Variants in CDH7 observed in about 807,000 individuals in gnomAD.
The protein encoded by CDH7 is cadherin-7.
Under a neutral mutation model 71.8 loss-of-function variants are expected in CDH7, and 25 were observed. The observed-to-expected ratio is 0.35, with a 90% confidence interval of 0.25 to 0.49. The LOEUF (loss-of-function observed/expected upper bound fraction) is 0.49. Ranked by LOEUF, CDH7 falls within the 20% of genes least tolerant of loss-of-function variation. CDH7 has a pLI of 0.99. For synonymous variants in CDH7, 381 were observed against 363.8 expected (o/e 1.05, Z -0.54); for missense variants, 862 against 974.6 (o/e 0.88, Z 1.54).
chr18:65,849,093 T>C (rs1440328673), intron 7 of CDH7, among the ~76,000 whole-genome samples: 1 of 152,122 alleles, frequency 6.6e-6, no homozygotes, highest in Non-Finnish European at 1.5e-5. Flanking sequence ...AAAATAATAC[T>C]AGCAATAAAA....
chr18:65,817,496 T>G (rs957437074), intron 4 of CDH7, among the ~76,000 whole-genome samples: 1 of 152,172 alleles, frequency 6.6e-6, no homozygotes, highest in African/African-American at 2.4e-5. Flanking sequence ...TCTCTGTCTT[T>G]TTATAGCTCT....
chr18:65,797,859 A>G (rs1910972955), intron 2 of CDH7, among the ~76,000 whole-genome samples: 1 of 152,156 alleles, frequency 6.6e-6, no homozygotes, highest in South Asian at 2.1e-4. Context: ...AAGAACATTT[A>G]CCTCAAACTT....
At chr18:65,792,178 A>T (rs965306700) in intron 2 of CDH7, among the ~76,000 whole-genome samples, 1 of 141,264 alleles carries the variant, frequency 7.1e-6, no homozygotes, top group African/African-American at 2.7e-5. Flanking sequence ...TGTCTGCTGC[A>T]GCCAGTCTTT....
chr18:65,806,454 G>T (rs1421675790), intron 2 of CDH7, among the ~76,000 whole-genome samples: 1 of 152,024 alleles, frequency 6.6e-6, no homozygotes, highest in African/African-American at 2.4e-5. Context: ...AAGGGTATCT[G>T]TGAGTACAAT....
intron 6 of CDH7, among the ~76,000 whole-genome samples, chr18:65,835,346 T>A (rs1175750257): frequency 6.6e-6 from 1 of 152,156 alleles, no homozygotes; most frequent in Non-Finnish European, 1.5e-5. Flanking sequence ...GAAAAATATG[T>A]TGAGTTCCAG....
intron 6 of CDH7, among the ~76,000 whole-genome samples, chr18:65,833,685 T>C (rs560609764): frequency 6.6e-6 from 1 of 152,326 alleles, no homozygotes; most frequent in African/African-American, 2.4e-5. Context: ...TATTATCTGC[T>C]TATTAAGGTA....
Position 65,753,324 on chromosome 18 carries a change from A to G in CDH7, c.-197+2174A>G, listed in dbSNP as rs532153065. Among the ~76,000 whole-genome samples the G allele has an allele frequency of 1.4e-4, 22 of 152,364 alleles. 1 individual carries two copies. The South Asian group carries it at 4.6e-3, about 32-fold the overall frequency. ...TTGTCAGATCTTTCAGAAATAATTT[A>G]TAAAATACTAAACTCACAAATTGTT... On this transcript the variant is annotated intron_variant, in intron 1 of 11. Transcript: ENST00000397968.
intron 6 of CDH7, among the ~76,000 whole-genome samples, chr18:65,831,572 A>G (rs1444406182): frequency 6.6e-6 from 1 of 152,146 alleles, no homozygotes; most frequent in Non-Finnish European, 1.5e-5. Flanking sequence ...TGGCCCTAAC[A>G]AAACAGGATT....
intron 6 of CDH7, among the ~76,000 whole-genome samples, chr18:65,829,348 GA>G (rs1912250257): frequency 1.3e-5 from 2 of 151,654 alleles, no homozygotes; most frequent in African/African-American, 4.8e-5. Flanking sequence ...TCGATCTCCT[GA>G]ACTTGTGATC....
At position 65,857,269 on chromosome 18, in the gene CDH7, G is replaced by C. The variant is rs375966800; in HGVS notation, c.1236-547G>C. Among the ~76,000 whole-genome samples the C allele has an allele frequency of 3.3e-5, 5 of 149,724 alleles. 1 individual carries two copies. In the South Asian group the frequency reaches 1.1e-3, roughly 32 times the overall value. ...AGTCTGAGATGGAAGGGTCACTTGA[G>C]CCCAGGAATTCAAGACCAGCCTGAG... On this transcript the variant is annotated intron_variant, in intron 7 of 11. Coordinates refer to ENST00000397968, the MANE Select transcript of CDH7 (RefSeq NM_004361.5).
chr18:65,790,985 A>G (rs1910693430), intron 2 of CDH7, among the ~76,000 whole-genome samples: 1 of 152,250 alleles, frequency 6.6e-6, no homozygotes, highest in African/African-American at 2.4e-5. Flanking sequence ...CATTATTTAG[A>G]CACCTTGAAC....
At chr18:65,830,725 C>CTT (rs1555687110) in intron 6 of CDH7, among the ~76,000 whole-genome samples, 11 of 130,738 alleles carry the variant, frequency 8.4e-5, no homozygotes, top group East Asian at 4.4e-4. Context: ...TTCTCTCTCT[C>CTT]TCTTTCTTTC....
intron 1 of CDH7, among the ~76,000 whole-genome samples, chr18:65,760,691 C>T (rs900788502): frequency 6.6e-6 from 1 of 152,150 alleles, no homozygotes; most frequent in Non-Finnish European, 1.5e-5. Context: ...TAAACCATCC[C>T]TCCCCATCCC....
At chr18:65,789,485 G>GTTTT (rs1310152777) in intron 2 of CDH7, among the ~76,000 whole-genome samples, 38 of 131,990 alleles carry the variant, frequency 2.9e-4, no homozygotes, top group African/African-American at 1.1e-3. Flanking sequence ...GTTTTTTTTT[G>GTTTT]TTTGTTTTTT....
chr18:65,857,846 G>A lies in CDH7; in HGVS notation c.1266G>A (p.Glu422=). The A allele has an allele frequency of 6.2e-7, 1 of 1,613,506 alleles. No homozygotes were observed. The highest frequency in any genetic ancestry group is 8.5e-7 in the Non-Finnish European group (1 of 1,179,588). Residue 422 remains glutamate (E), a synonymous_variant, in exon 8 of 12, where the codon GAG becomes GAA. Transcript: ENST00000397968. ...CAATTGACAGAAACACAGACTTGGA[G>A]AGATACTTCAATATTGATGCCAACA... ...RYSIDRNTDL[E]RYFNIDANSG...
chr18:65,859,509 C>A (rs554569202), intron 9 of CDH7, among the ~76,000 whole-genome samples, 199 bp from the exon 10 acceptor site: 1 of 152,278 alleles, frequency 6.6e-6, no homozygotes, highest in East Asian at 1.9e-4. Context: ...TGAATTCAAA[C>A]ATGAACTAAG....
rs1357211384 is a variant in CDH7 at position 65,889,278 on chromosome 18, A to AATCTTTCC, written c.*8385_*8386insTCTTTCCA. Reference sequence around the variant, plus strand: ...TTCCACCTTTTCCAAAAAGAAAAAAAAGAAAGAAAAAGCTAAATCTTATGA... The same window carrying AATCTTTCC: ...TTCCACCTTTTCCAAAAAGAAAAAAAATCTTTCCAGAAAGAAAAAGCTAAATCTTATGA... On this transcript the variant is annotated 3_prime_UTR_variant, in exon 12 of 12. Coordinates refer to ENST00000397968, the MANE Select transcript of CDH7 (RefSeq NM_004361.5). 1 of 152,218 alleles carries AATCTTTCC rather than the reference A, an allele frequency of 6.6e-6. No individual in the cohort carries two copies. The allele number at this position is 152,218 out of a possible 1,614,324, so 9.4% of individuals were successfully genotyped here.
chr18:65,840,452 T>C (rs1385372179), intron 6 of CDH7, among the ~76,000 whole-genome samples: 1 of 152,140 alleles, frequency 6.6e-6, no homozygotes, highest in Non-Finnish European at 1.5e-5. Flanking sequence ...TATGCACTTA[T>C]ATGTATGATA....
chr18:65,753,865 A>C (rs983461821), intron 1 of CDH7, among the ~76,000 whole-genome samples: 3 of 152,186 alleles, frequency 2.0e-5, no homozygotes, highest in African/African-American at 7.2e-5. Flanking sequence ...ATCTGTCCAT[A>C]TCTTCATTTC....
Sources: gnomAD v4.1 joint callset for allele counts (sites outside exome capture counted in the v4.1 genomes callset) on GRCh38, gnomAD v4.1.1 for gene constraint, MANE v1.5 for transcripts, NCBI Gene and HGNC (gene_info 2026-07-23, HGNC 2026-07-21) for gene names.